NEGR1: variants seen among roughly 807,000 people sequenced by gnomAD.
NEGR1 encodes the protein IgLON family member 4.
In NEGR1, 10 loss-of-function variants were observed where a neutral mutation model predicts 40.9. The ratio of observed to expected loss-of-function variants is 0.24; its 90% confidence interval spans 0.15 to 0.42. The LOEUF (loss-of-function observed/expected upper bound fraction) is 0.42. Ranked by LOEUF, NEGR1 falls within the 10% of genes least tolerant of loss-of-function variation. NEGR1 has a pLI of 1.00. For synonymous variants in NEGR1, 185 were observed against 166.8 expected, an observed-to-expected ratio of 1.11 and a Z score of -0.84; for missense variants, 352 against 438.9, an observed-to-expected ratio of 0.80 and a Z score of 1.77.
intron 1 of NEGR1, among the ~76,000 whole-genome samples, chr1:72,092,473 G>T (rs967498660): frequency 4.6e-5 from 7 of 152,054 alleles, no homozygotes; most frequent in African/African-American, 1.4e-4. Context: ...AAGGAAACAT[G>T]CCTTTAAAAA....
intron 1 of NEGR1, among the ~76,000 whole-genome samples, chr1:72,257,578 C>T (rs914503994): frequency 2.0e-5 from 3 of 151,928 alleles, no homozygotes; most frequent in African/African-American, 7.3e-5. Flanking sequence ...TATTTATTTC[C>T]TTTTTATAAT....
intron 3 of NEGR1, among the ~76,000 whole-genome samples, chr1:71,770,854 ACTG>A (rs1656293156): frequency 6.6e-6 from 1 of 152,182 alleles, no homozygotes; most frequent in Non-Finnish European, 1.5e-5. Flanking sequence ...TGTTGGTGGG[ACTG>A]TAAATTAGTT....
intron 1 of NEGR1, among the ~76,000 whole-genome samples, chr1:72,064,165 G>T (rs990804593): frequency 3.3e-5 from 5 of 151,900 alleles, no homozygotes; most frequent in Non-Finnish European, 5.9e-5. Flanking sequence ...GAAGTGATGG[G>T]TAATTAGGTC....
intron 1 of NEGR1, among the ~76,000 whole-genome samples, chr1:71,976,199 T>C (rs935155277): frequency 2.4e-4 from 37 of 152,238 alleles, no homozygotes; most frequent in Non-Finnish European, 5.1e-4. Flanking sequence ...TTACATTTTT[T>C]GTTTCTTTCC....
chr1:71,842,893 T>C (rs1349730829), intron 2 of NEGR1, among the ~76,000 whole-genome samples: 3 of 152,180 alleles, frequency 2.0e-5, no homozygotes, highest in Admixed American at 2.0e-4. Context: ...CAGAATGTTG[T>C]CACCAAGTTA....
intron 6 of NEGR1, among the ~76,000 whole-genome samples, chr1:71,530,797 T>C (rs1262998930): frequency 6.6e-6 from 1 of 151,304 alleles, no homozygotes; most frequent in Non-Finnish European, 1.5e-5. Context: ...ACAATTATTA[T>C]GTCTCAGAGT....
intron 1 of NEGR1, among the ~76,000 whole-genome samples, chr1:72,244,409 A>T (rs1654839616): frequency 6.6e-6 from 1 of 151,956 alleles, no homozygotes; most frequent in African/African-American, 2.4e-5. Flanking sequence ...GTTTTTCAAT[A>T]TGTACATACA....
At chr1:72,151,790 C>G (rs1053312877) in intron 1 of NEGR1, among the ~76,000 whole-genome samples, 1 of 151,812 alleles carries the variant, frequency 6.6e-6, no homozygotes, top group Middle Eastern at 3.4e-3. Context: ...ATAAATGTTT[C>G]CACATCATGA....
chr1:71,681,692 C>T (rs529787412), intron 4 of NEGR1, among the ~76,000 whole-genome samples: 1 of 152,256 alleles, frequency 6.6e-6, no homozygotes, highest in South Asian at 2.1e-4. Context: ...CTATTTCCCA[C>T]GTCCCTGTAC....
intron 1 of NEGR1, chr1:72,274,604 A>T (rs1387085908): frequency 2.5e-6 from 2 of 788,112 alleles, no homozygotes; most frequent in African/African-American, 1.7e-5. Flanking sequence ...CCATACCTTT[A>T]ACCACTCTAT....
At chr1:72,012,569 T>C (rs964758646) in intron 1 of NEGR1, among the ~76,000 whole-genome samples, 13 of 152,096 alleles carry the variant, frequency 8.5e-5, no homozygotes, top group Admixed American at 7.9e-4. Flanking sequence ...TTTTGAGCAA[T>C]GAGAACAGAA....
chr1:72,266,591 T>A (rs906949313), intron 1 of NEGR1, among the ~76,000 whole-genome samples: 1 of 150,908 alleles, frequency 6.6e-6, no homozygotes, highest in Non-Finnish European at 1.5e-5. Context: ...AAACACATTT[T>A]ATCAAATCCT....
intron 1 of NEGR1, among the ~76,000 whole-genome samples, chr1:72,111,083 TATACACACACAC>T (rs1467027252): frequency 2.5e-4 from 23 of 90,454 alleles, no homozygotes; most frequent in African/African-American, 5.9e-4. Context: ...CATATATATA[TATACACACACAC>T]ACACACACAC....
chr1:71,931,428 G>A (rs901788068), intron 2 of NEGR1, among the ~76,000 whole-genome samples: 4 of 152,066 alleles, frequency 2.6e-5, no homozygotes, highest in Non-Finnish European at 2.9e-5. Context: ...TTCCCAGATC[G>A]GGTAATTTAT....
At chr1:72,174,420 C>T (rs937803279) in intron 1 of NEGR1, among the ~76,000 whole-genome samples, 1 of 152,130 alleles carries the variant, frequency 6.6e-6, no homozygotes, top group African/African-American at 2.4e-5. Context: ...TGTATAATGA[C>T]ATGTATCCAC....
chr1:72,070,590 G>A (rs1647420986), intron 1 of NEGR1, among the ~76,000 whole-genome samples: 2 of 151,950 alleles, frequency 1.3e-5, no homozygotes, highest in African/African-American at 4.8e-5. Context: ...GATAAAAACA[G>A]TAAAATATAA....
At chr1:72,149,879 C>CAAA (rs1180110033) in intron 1 of NEGR1, among the ~76,000 whole-genome samples, 81 of 39,320 alleles carry the variant, frequency 2.1e-3, no homozygotes, top group Non-Finnish European at 2.4e-3. Context: ...AAAACTCTGT[C>CAAA]AAAAAAAAAA....
At chr1:72,224,846 T>C (rs1030260895) in intron 1 of NEGR1, among the ~76,000 whole-genome samples, 2 of 152,080 alleles carry the variant, frequency 1.3e-5, no homozygotes, top group African/African-American at 2.4e-5. Flanking sequence ...TAATACAAGA[T>C]TAGTTAAGCA....
intron 6 of NEGR1, among the ~76,000 whole-genome samples, chr1:71,491,845 G>C (rs1485628457): frequency 6.6e-6 from 1 of 152,116 alleles, no homozygotes; most frequent in African/African-American, 2.4e-5. Context: ...TTAATAGAGT[G>C]CTATGGTTTT....
Sources: allele counts gnomAD v4.1 joint callset (sites outside exome capture counted in the v4.1 genomes callset), GRCh38; gene constraint gnomAD v4.1.1; transcripts MANE v1.5; gene names NCBI Gene and HGNC (gene_info 2026-07-23, HGNC 2026-07-21).